RANBP17: variants seen among roughly 807,000 people sequenced by gnomAD.
The protein encoded by RANBP17 is RAN binding protein 17.
In RANBP17, 158 loss-of-function variants were observed where a neutral mutation model predicts 141.2. The observed-to-expected ratio is 1.12, with a 90% CI of 0.98 to 1.28. The LOEUF (loss-of-function observed/expected upper bound fraction) is 1.28, where lower values mean the gene tolerates loss of function less well. Ranked by LOEUF, RANBP17 falls within the 50% of genes most tolerant of loss-of-function variation. RANBP17 has a pLI of 0.00. For synonymous variants in RANBP17, 430 were observed against 450.0 expected, an observed-to-expected ratio of 0.96 and a Z score of 0.56; for missense variants, 1,438 against 1,290.7, an observed-to-expected ratio of 1.11 and a Z score of -1.75.
At chr5:171,026,986 C>T (rs1489707229) in intron 14 of RANBP17, among the ~76,000 whole-genome samples, 1 of 152,060 alleles carries the variant, frequency 6.6e-6, no homozygotes, top group African/African-American at 2.4e-5. Flanking sequence ...GAGGACGGAC[C>T]TTATTGGGAA....
chr5:170,870,017 T>C (rs1767586728), intron 1 of RANBP17, among the ~76,000 whole-genome samples: 1 of 152,236 alleles, frequency 6.6e-6, no homozygotes, highest in Admixed American at 6.5e-5. Context: ...CTAATTCTTT[T>C]TGCAGTCAAA....
rs139499481 is a variant in RANBP17 at position 171,242,618 on chromosome 5, A to C, written c.2638-64A>C. The C allele has an allele frequency of 2.0e-6, 3 of 1,535,232 alleles. No individual in the cohort carries two copies. In the South Asian group the frequency reaches 3.6e-5, roughly 18 times the overall value. On this transcript the variant is annotated intron_variant, in intron 23 of 27. Coordinates refer to ENST00000523189, the MANE Select transcript of RANBP17 (RefSeq NM_022897.5). ...TCCAGTATTATAAATGACAATTTTC[A>C]CTGGACTGTAACATGTATTTTTCTT...
chr5:171,126,197 T>C (rs1756457145), intron 14 of RANBP17, among the ~76,000 whole-genome samples: 1 of 152,186 alleles, frequency 6.6e-6, no homozygotes, highest in Non-Finnish European at 1.5e-5. Context: ...ACATGCAGTG[T>C]AAACATTATG....
intron 24 of RANBP17, among the ~76,000 whole-genome samples, chr5:171,250,083 G>C (rs1765461089): frequency 6.6e-6 from 1 of 152,162 alleles, no homozygotes; most frequent in African/African-American, 2.4e-5. Flanking sequence ...AAGCTTTACA[G>C]GCCAGAAGAC....
intron 22 of RANBP17, among the ~76,000 whole-genome samples, chr5:171,229,936 A>C (rs1043557148): frequency 6.6e-6 from 1 of 151,486 alleles, no homozygotes; most frequent in Non-Finnish European, 1.5e-5. Flanking sequence ...GTGGTGGTGC[A>C]TGCCTATAAC....
rs984016088 is a variant in RANBP17, at chr5:170,915,472, C to G, written c.835-993C>G. On this transcript the variant is annotated intron_variant, in intron 8 of 27. Transcript: ENST00000523189. Reference sequence around the variant, plus strand: ...CCCAACCCCAGGTGTTTTTAGTACGCTAGTGGTTCCTATACTTGTACTTCT... The same window carrying G: ...CCCAACCCCAGGTGTTTTTAGTACGGTAGTGGTTCCTATACTTGTACTTCT... Among the ~76,000 whole-genome samples, 10 of 152,052 alleles carry G rather than the reference C, an allele frequency of 6.6e-5. 1 individual carries two copies. Among genetic ancestry groups the G allele is most frequent in the Admixed American group, 2.6e-4 (4 of 15,250 alleles).
intron 22 of RANBP17, among the ~76,000 whole-genome samples, chr5:171,227,047 T>C (rs1299156075): frequency 1.3e-5 from 2 of 152,170 alleles, no homozygotes; most frequent in African/African-American, 4.8e-5. Context: ...CCCTATTCTC[T>C]GACACAGCAA....
In RANBP17 at chr5:170,874,861, C is replaced by A. The variant is rs1035292267; in HGVS notation, c.19-3236C>A. ...TAATATTGTTATGTGTGAATTTGAT[C>A]CTGTCATCATGATGCTAGCTGGTTA... On this transcript the variant is annotated intron_variant, in intron 1 of 27. Transcript: ENST00000523189. 2.0e-5 allele frequency among the ~76,000 whole-genome samples: 3 copies of A among 152,094 alleles called. 1 individual carries two copies. The highest frequency in any genetic ancestry group is 4.2e-4 in the South Asian group (2 of 4,818).
intron 14 of RANBP17, among the ~76,000 whole-genome samples, chr5:171,147,252 A>G (rs1758088176): frequency 6.6e-6 from 1 of 151,560 alleles, no homozygotes; most frequent in South Asian, 2.1e-4. Context: ...ATTTTTATAA[A>G]CATTTGCTAT....
intron 3 of RANBP17, 56 bp from the exon 4 acceptor site, chr5:170,892,331 T>G: frequency 1.0e-6 from 1 of 953,148 alleles, no homozygotes; most frequent in Non-Finnish European, 1.5e-6. Context: ...TTCATATGAT[T>G]CACACTATGT....
intron 20 of RANBP17, among the ~76,000 whole-genome samples, 174 bp from the exon 21 acceptor site, chr5:171,213,457 C>T (rs981253205): frequency 5.3e-5 from 8 of 151,996 alleles, no homozygotes; most frequent in African/African-American, 1.7e-4. Context: ...TATATCTGTG[C>T]AGGTTAGGGA....
At chr5:171,006,695 T>C (rs1779641848) in intron 14 of RANBP17, among the ~76,000 whole-genome samples, 1 of 150,636 alleles carries the variant, frequency 6.6e-6, no homozygotes, top group African/African-American at 2.4e-5. Flanking sequence ...TGTATACATA[T>C]GTAACAAATC....
At chr5:170,931,829 G>A (rs927086988) in intron 12 of RANBP17, among the ~76,000 whole-genome samples, 1 of 152,112 alleles carries the variant, frequency 6.6e-6, no homozygotes, top group Non-Finnish European at 1.5e-5. Flanking sequence ...ATAGTTTGAA[G>A]TCAGGTAGCA....
chr5:171,262,735 C>T (rs949161693), intron 24 of RANBP17, among the ~76,000 whole-genome samples: 1 of 152,170 alleles, frequency 6.6e-6, no homozygotes. Flanking sequence ...AACACTGCAA[C>T]TTATTCCTCT....
At chr5:171,107,638 T>A (rs1442197848) in intron 14 of RANBP17, among the ~76,000 whole-genome samples, 4 of 152,174 alleles carry the variant, frequency 2.6e-5, no homozygotes, top group African/African-American at 9.6e-5. Context: ...ATGACTCTAG[T>A]CTCTTCTTAA....
chr5:170,978,068 A>G (rs1581293998), intron 14 of RANBP17, among the ~76,000 whole-genome samples: 1 of 152,142 alleles, frequency 6.6e-6, no homozygotes, highest in African/African-American at 2.4e-5. Context: ...AAGCACTGAA[A>G]AAAGGTATCT....
At position 170,909,725 on chromosome 5, in the gene RANBP17, T is replaced by C; in HGVS notation, c.554T>C (p.Leu185Pro). ...GCTACCTCATTTCGTGATACTTCTC[T>C]CAAAGACGTTTTAGTGCTAGCATGC... is the stretch of plus-strand genomic sequence containing the variant. The part of the protein sequence containing the change: ...KIATSFRDTS[L>P]KDVLVLACSL... Residue 185 changes from leucine (L) to proline (P), a missense_variant, in exon 6 of 28, where the codon CTC becomes CCC. Physicochemically the swap from Leu to Pro is moderately conservative, Grantham distance 98. Coordinates refer to ENST00000523189, the MANE Select transcript of RANBP17 (RefSeq NM_022897.5). The C allele has an allele frequency of 6.3e-7, 1 of 1,596,170 alleles. No homozygotes were observed. Among genetic ancestry groups the C allele is most frequent in the Non-Finnish European group, 8.6e-7 (1 of 1,165,708 alleles).
At chr5:171,236,955 C>A (rs1223357359) in intron 22 of RANBP17, among the ~76,000 whole-genome samples, 1 of 152,102 alleles carries the variant, frequency 6.6e-6, no homozygotes, top group Non-Finnish European at 1.5e-5. Flanking sequence ...AGTTCTCCAG[C>A]TGAGGCCTGT....
At chr5:171,072,204 TG>T (rs1317616605) in intron 14 of RANBP17, among the ~76,000 whole-genome samples, 4 of 151,940 alleles carry the variant, frequency 2.6e-5, no homozygotes, top group Non-Finnish European at 5.9e-5. Flanking sequence ...AAGAGAAATA[TG>T]AGCCAAGGGG....
Sources: allele counts gnomAD v4.1 joint callset (sites outside exome capture counted in the v4.1 genomes callset), GRCh38; gene constraint gnomAD v4.1.1; transcripts MANE v1.5; gene names NCBI Gene and HGNC (gene_info 2026-07-23, HGNC 2026-07-21).